Variants in TIAM1 observed in about 807,000 individuals in gnomAD.
TIAM1 encodes the protein rho guanine nucleotide exchange factor TIAM1.
A neutral mutation model predicts 163.5 loss-of-function variants in TIAM1; 65 were observed. The observed-to-expected ratio is 0.40, with a 90% confidence interval of 0.33 to 0.49. TIAM1 has a LOEUF of 0.49. Among genes scored for constraint, TIAM1 ranks in the 20% least tolerant of loss-of-function variants. The probability of loss-of-function intolerance (pLI) is 0.77; values close to 1 mark genes in which losing one functional copy is unlikely to be tolerated. For synonymous variants in TIAM1, 833 were observed against 810.1 expected, an observed-to-expected ratio of 1.03 and a Z score of -0.48; for missense variants, 1,789 against 2,044.7, an observed-to-expected ratio of 0.87 and a Z score of 2.41.
intron 2 of TIAM1, among the ~76,000 whole-genome samples, chr21:31,331,558 G>C (rs957917094): frequency 3.3e-5 from 5 of 152,176 alleles, no homozygotes; most frequent in African/African-American, 7.2e-5. Flanking sequence ...CTGAGGACTG[G>C]GAATCTCCGG....
chr21:31,266,460 T>C lies in TIAM1; in HGVS notation c.513A>G (p.Lys171=), dbSNP rs772130189. 3 of 1,614,110 alleles carry C rather than the reference T, an allele frequency of 1.9e-6. No homozygotes were observed. Among genetic ancestry groups the C allele is most frequent in the African/African-American group, 2.7e-5 (2 of 74,944 alleles). The change falls in exon 4 of 28, where the codon AAA becomes AAG. Residue 171 remains lysine (K), a synonymous_variant. Coordinates refer to ENST00000541036, the MANE Select transcript of TIAM1 (RefSeq NM_001353694.2). ...ETASFKKKRS[K]SADIWREDSL... is the part of the protein sequence containing the mutation. ...TGTCCTCCCGCCAGATGTCTGCAGA[T>C]TTGGAGCGTTTCTTCTTAAAGCTCG...
At chr21:31,513,898 T>C (rs920492186) in intron 1 of TIAM1, among the ~76,000 whole-genome samples, 3 of 152,028 alleles carry the variant, frequency 2.0e-5, no homozygotes, top group Non-Finnish European at 4.4e-5. Flanking sequence ...TCCCAGCTAC[T>C]CCGGAGGCTC....
At position 31,124,787 on chromosome 21, in the gene TIAM1, T is replaced by C. The variant is rs1162337848; in HGVS notation, c.4134-93A>G. 3 of 1,138,092 alleles carry C rather than the reference T, an allele frequency of 2.6e-6. No homozygotes were observed. The African/African-American group carries it at 4.7e-5, about 18-fold the overall frequency. The allele number at this position is 1,138,092 out of a possible 1,614,324, so 70.5% of individuals were successfully genotyped here. A position where few individuals can be genotyped will look rare whatever the true frequency, so the allele number is the denominator to read the frequency against. ...CAGGTGCAACCAAATAAATATCCCT[T>C]AGGGCCAAAGGCTAAAGACTGAGGC... On this transcript the variant is annotated intron_variant, in intron 26 of 27. Transcript: ENST00000541036.
At chr21:31,218,952 T>C (rs1196197044) in intron 8 of TIAM1, among the ~76,000 whole-genome samples, 1 of 151,878 alleles carries the variant, frequency 6.6e-6, no homozygotes, top group East Asian at 1.9e-4. Flanking sequence ...AGAAAACTTG[T>C]ATTTTTTTGT....
At chr21:31,198,694 CTGTT>C (rs775656683) in intron 12 of TIAM1, among the ~76,000 whole-genome samples, 1 of 152,152 alleles carries the variant, frequency 6.6e-6, no homozygotes, top group Non-Finnish European at 1.5e-5. Flanking sequence ...CAGTATATAA[CTGTT>C]TGTTTTAATC....
intron 2 of TIAM1, among the ~76,000 whole-genome samples, chr21:31,425,056 CA>C (rs370622503): frequency 0.046 from 4,477 of 97,672 alleles, 170 homozygotes; most frequent in African/African-American, 0.13. Context: ...CCGTCTCAAA[CA>C]AAAAAAAAAA....
intron 2 of TIAM1, among the ~76,000 whole-genome samples, chr21:31,427,956 A>C (rs893401957): frequency 6.6e-6 from 1 of 151,872 alleles, no homozygotes; most frequent in South Asian, 2.1e-4. Flanking sequence ...ACCATCCCAA[A>C]AATCCTCTAT....
intron 1 of TIAM1, among the ~76,000 whole-genome samples, chr21:31,500,796 T>C (rs2046823049): frequency 6.6e-6 from 1 of 152,168 alleles, no homozygotes; most frequent in Non-Finnish European, 1.5e-5. Context: ...GCCGTCAGAA[T>C]GAACCTACCT....
rs146480856 is a variant in TIAM1 at position 31,554,923 on chromosome 21, T to G, written c.-422+4004A>C. ...CCCACAGTCTAGGCCCTTATGAATT[T>G]CTTAATGAGGTCCCTGGAGACCACA... On this transcript the variant is annotated intron_variant, in intron 1 of 28. Transcript: ENST00000286827. Among the ~76,000 whole-genome samples, 19 of 152,256 alleles carry G rather than the reference T, an allele frequency of 1.2e-4. No homozygotes were observed. The East Asian group carries it at 3.3e-3, about 26-fold the overall frequency.
intron 2 of TIAM1, among the ~76,000 whole-genome samples, chr21:31,450,234 T>G (rs1297774244): frequency 1.3e-5 from 2 of 152,142 alleles, no homozygotes; most frequent in Admixed American, 1.3e-4. Flanking sequence ...TTACCTCTTT[T>G]CAGAGAGGCC....
At chr21:31,228,235 A>AG (rs1601626429) in intron 6 of TIAM1, among the ~76,000 whole-genome samples, 3 of 116,816 alleles carry the variant, frequency 2.6e-5, no homozygotes, top group African/African-American at 9.6e-5. Context: ...AAAAAAAAAA[A>AG]AAAAAAAAAA....
chr21:31,319,892 G>A (rs1321670213), intron 2 of TIAM1, among the ~76,000 whole-genome samples: 1 of 151,542 alleles, frequency 6.6e-6, no homozygotes, highest in Non-Finnish European at 1.5e-5. Context: ...CTTTTCATGT[G>A]CTAATTTGGC....
chr21:31,152,824 A>G (rs1447532794), intron 18 of TIAM1, 63 bp from the exon 19 acceptor site: 2 of 1,566,590 alleles, frequency 1.3e-6, no homozygotes, highest in Non-Finnish European at 1.7e-6. Context: ...CGTTATTTAT[A>G]TCTGATTACA....
At chr21:31,188,572 TTTTG>T (rs1272545500) in intron 13 of TIAM1, among the ~76,000 whole-genome samples, 1 of 152,142 alleles carries the variant, frequency 6.6e-6, no homozygotes, top group Non-Finnish European at 1.5e-5. Flanking sequence ...AGACCAATTT[TTTTG>T]TTTGTTTGTT....
chr21:31,391,793 AC>A (rs558471634), intron 2 of TIAM1, among the ~76,000 whole-genome samples: 196 of 152,286 alleles, frequency 1.3e-3, no homozygotes, highest in Middle Eastern at 3.4e-3. Context: ...CCAAAAAGAG[AC>A]CATGAATACC....
chr21:31,469,048 C>A (rs2045639967), intron 1 of TIAM1, among the ~76,000 whole-genome samples: 2 of 149,160 alleles, frequency 1.3e-5, no homozygotes, highest in African/African-American at 2.5e-5. Context: ...AACAAAGGGG[C>A]TTCCTCCTGC....
At chr21:31,126,509 G>A (rs1177895647) in intron 26 of TIAM1, among the ~76,000 whole-genome samples, 1 of 152,084 alleles carries the variant, frequency 6.6e-6, no homozygotes, top group Non-Finnish European at 1.5e-5. Flanking sequence ...AGAGGTTGCA[G>A]TGAGCCGAGA....
intron 2 of TIAM1, among the ~76,000 whole-genome samples, chr21:31,430,496 C>G (rs1423261914): frequency 6.6e-6 from 1 of 151,876 alleles, no homozygotes; most frequent in Non-Finnish European, 1.5e-5. Flanking sequence ...AAACATCAAG[C>G]TAGCGTTTAT....
chr21:31,459,950 T>C (rs1227956228), intron 2 of TIAM1, among the ~76,000 whole-genome samples: 1 of 152,178 alleles, frequency 6.6e-6, no homozygotes, highest in Non-Finnish European at 1.5e-5. Flanking sequence ...CCCCTCTTTT[T>C]CCTCAGGGTG....
Sources: allele counts gnomAD v4.1 joint callset (sites outside exome capture counted in the v4.1 genomes callset), GRCh38; gene constraint gnomAD v4.1.1; transcripts MANE v1.5; gene names NCBI Gene and HGNC (gene_info 2026-07-23, HGNC 2026-07-21).